The following FARSB variants were observed in gnomAD, a reference collection of about 807,000 sequenced individuals.
The protein encoded by FARSB is phenylalanyl-tRNA synthetase subunit beta.
A neutral mutation model predicts 69.6 loss-of-function variants in FARSB; 40 were observed. The observed-to-expected ratio is 0.57, with a 90% CI of 0.45 to 0.75. The LOEUF is 0.75. Among genes scored for constraint, FARSB ranks in the 30% least tolerant of loss-of-function variants. The pLI, the probability that FARSB is intolerant of heterozygous loss-of-function variation, is 0.00. For missense variants in FARSB, 632 were observed against 722.9 expected (o/e 0.87, Z 1.44); for synonymous variants, 235 against 247.2 (o/e 0.95, Z 0.46).
intron 2 of FARSB, among the ~76,000 whole-genome samples, chr2:222,645,033 T>A (rs1214576300): frequency 6.6e-6 from 1 of 150,746 alleles, no homozygotes; most frequent in Non-Finnish European, 1.5e-5. Context: ...AGTTTCAGCA[T>A]CTCAGCTCAT....
chr2:222,612,566 T>A (rs1285211867), intron 15 of FARSB, among the ~76,000 whole-genome samples: 4 of 152,360 alleles, frequency 2.6e-5, no homozygotes, highest in Non-Finnish European at 5.9e-5. Context: ...AAATTGAGAA[T>A]AAGGTCTCTG....
At chr2:222,581,383 A>G (rs548744207) in intron 16 of FARSB, among the ~76,000 whole-genome samples, 1 of 152,326 alleles carries the variant, frequency 6.6e-6, no homozygotes, top group South Asian at 2.1e-4. Flanking sequence ...GAAACTGGAG[A>G]AGACAGATCT....
chr2:222,600,229 A>G (rs1438243733), intron 15 of FARSB, 146 bp from the exon 16 acceptor site: 1 of 599,806 alleles, frequency 1.7e-6, no homozygotes, highest in Non-Finnish European at 2.7e-6. Context: ...ACAAATGCAA[A>G]ATAAGATAAA....
At chr2:222,651,893 G>A (rs1692047062) in intron 1 of FARSB, among the ~76,000 whole-genome samples, 1 of 152,218 alleles carries the variant, frequency 6.6e-6, no homozygotes, top group Non-Finnish European at 1.5e-5. Context: ...CAGAGGGGTG[G>A]AAACCAAGAG....
chr2:222,610,465 C>T (rs1202753253), intron 15 of FARSB, among the ~76,000 whole-genome samples: 3 of 150,848 alleles, frequency 2.0e-5, no homozygotes, highest in East Asian at 1.9e-4. Flanking sequence ...TTCCCACATT[C>T]GTCTGTTTTA....
chr2:222,606,628 A>C (rs889211828), intron 15 of FARSB, among the ~76,000 whole-genome samples: 3 of 152,232 alleles, frequency 2.0e-5, no homozygotes, highest in Non-Finnish European at 4.4e-5. Context: ...CTATAAGATG[A>C]AAGAACACGC....
At chr2:222,587,835 A>T (rs1690159416) in intron 16 of FARSB, among the ~76,000 whole-genome samples, 1 of 152,208 alleles carries the variant, frequency 6.6e-6, no homozygotes, top group African/African-American at 2.4e-5. Context: ...GAATAGATCC[A>T]TAACAGGCTC....
chr2:222,617,965 C>T (rs1284355479), intron 14 of FARSB, among the ~76,000 whole-genome samples: 4 of 152,038 alleles, frequency 2.6e-5, no homozygotes, highest in Admixed American at 6.6e-5. Flanking sequence ...AGGTACATTT[C>T]GAATAAGCAA....
At chr2:222,621,801 C>G (rs910915827) in intron 13 of FARSB, among the ~76,000 whole-genome samples, 1 of 152,222 alleles carries the variant, frequency 6.6e-6, no homozygotes, top group African/African-American at 2.4e-5. Context: ...GATTTAACAA[C>G]ATAGACCATC....
intron 15 of FARSB, among the ~76,000 whole-genome samples, chr2:222,607,586 TA>T (rs1690735305): frequency 6.6e-6 from 1 of 151,736 alleles, no homozygotes; most frequent in Non-Finnish European, 1.5e-5. Flanking sequence ...CATATGCTTG[TA>T]TGAGCACAGA....
chr2:222,595,611 A>G (rs1190648517), intron 16 of FARSB, among the ~76,000 whole-genome samples: 2 of 152,214 alleles, frequency 1.3e-5, no homozygotes, highest in Non-Finnish European at 2.9e-5. Context: ...TCTTGTCACA[A>G]GTTAAATTCA....
chr2:222,655,966 C>T (rs773014669), intron 1 of FARSB, 50 bp downstream of exon 1: 1 of 1,421,484 alleles, frequency 7.0e-7, no homozygotes, highest in African/African-American at 1.4e-5. Context: ...GGAGGGAGGC[C>T]CTGCCTCCGA....
intron 5 of FARSB, among the ~76,000 whole-genome samples, chr2:222,638,174 T>G (rs895648261): frequency 6.6e-6 from 1 of 152,224 alleles, no homozygotes; most frequent in African/African-American, 2.4e-5. Context: ...ACAATATCGA[T>G]ATATCCCTTG....
At chr2:222,587,293 T>C (rs142182300) in intron 16 of FARSB, among the ~76,000 whole-genome samples, 2,371 of 152,306 alleles carry the variant, frequency 0.016, 59 homozygotes, top group African/African-American at 0.051. Context: ...TTAATAAAGA[T>C]GTTCTTTGAA....
rs1035154055 is a variant in FARSB, at chr2:222,624,591, A to G, written c.963-112T>C. The G allele has an allele frequency of 1.6e-5, 15 of 933,460 alleles. No homozygotes were observed. The Admixed American group carries it at 1.8e-4, about 11-fold the overall frequency. 57.8% of individuals were successfully genotyped at this position (933,460 alleles called of 1,614,324 possible). Reference sequence around the variant, plus strand: ...ACAGTAACCTTTCTTTTTGAGTTCTATCAGAAACCAGATATCTTAACTGAT... The same window carrying G: ...ACAGTAACCTTTCTTTTTGAGTTCTGTCAGAAACCAGATATCTTAACTGAT... On this transcript the variant is annotated intron_variant, in intron 11 of 16. Transcript: ENST00000281828.
chr2:222,572,213 G>GA (rs1689734994), intron 16 of FARSB, among the ~76,000 whole-genome samples, 191 bp from the exon 17 acceptor site: 1 of 152,042 alleles, frequency 6.6e-6, no homozygotes, highest in Non-Finnish European at 1.5e-5. Context: ...CTCTTGCAAG[G>GA]AAAAAATCCG....
Position 222,620,463 on chromosome 2 carries a change from G to A in FARSB, c.1252-726C>T, listed in dbSNP as rs532576571. Reference sequence around the variant, plus strand: ...ATAAACTGCTGAGTACCCACCAATCGAAGAGAAAGATGCTTGCCACCCTCA... The same window carrying A: ...ATAAACTGCTGAGTACCCACCAATCAAAGAGAAAGATGCTTGCCACCCTCA... On this transcript the variant is annotated intron_variant, in intron 13 of 16. Coordinates refer to ENST00000281828, the MANE Select transcript of FARSB (RefSeq NM_005687.5). Among the ~76,000 whole-genome samples, 10 of 152,294 alleles carry A rather than the reference G, an allele frequency of 6.6e-5. No homozygotes were observed. The East Asian group carries it at 1.5e-3, about 24-fold the overall frequency.
chr2:222,579,333 G>C (rs528537856), intron 16 of FARSB, among the ~76,000 whole-genome samples: 1 of 152,284 alleles, frequency 6.6e-6, no homozygotes, highest in African/African-American at 2.4e-5. Flanking sequence ...CAAAACTTAA[G>C]AGAAAATAAG....
rs778432967 is a variant in FARSB at position 222,572,005 on chromosome 2, C to A, written c.1636G>T (p.Gly546Trp). 1.9e-6 allele frequency: 3 copies of A among 1,611,774 alleles called. No individual in the cohort carries two copies. The South Asian group carries it at 3.3e-5, about 18-fold the overall frequency. The change falls in exon 17 of 17, where the codon GGG (glycine) becomes TGG (tryptophan). Residue 546 changes from glycine to tryptophan, a missense_variant. Coordinates refer to ENST00000281828, the MANE Select transcript of FARSB (RefSeq NM_005687.5). ...CTGGCAAAGATCTCTGCACATCGCC[C>A]GGGGAAGAAAGCAGGCCCTGAAAAA... ...KASEGPAFFP[G>W]RCAEIFARGQ...
Sources: gnomAD v4.1 joint callset for allele counts (sites outside exome capture counted in the v4.1 genomes callset) on GRCh38, gnomAD v4.1.1 for gene constraint, MANE v1.5 for transcripts, NCBI Gene and HGNC (gene_info 2026-07-23, HGNC 2026-07-21) for gene names.